CTH: variants seen among roughly 807,000 people sequenced by gnomAD.
The protein encoded by CTH is cystathionine gamma-lyase, also known as cystathionase (cystathionine gamma-lyase).
In CTH, 41 loss-of-function variants were observed where a neutral mutation model predicts 50.6. That is an observed-to-expected ratio of 0.81 (90% CI 0.63 to 1.05). The LOEUF is 1.05. CTH is among the 50% of genes least tolerant of loss of function. The pLI, the probability that CTH is intolerant of heterozygous loss-of-function variation, is 0.00. For missense variants in CTH, 470 were observed against 492.6 expected, an observed-to-expected ratio of 0.95 and a Z score of 0.43; for synonymous variants, 156 against 168.9, an observed-to-expected ratio of 0.92 and a Z score of 0.59.
At chr1:70,426,816 G>A (rs953365566) in intron 5 of CTH, among the ~76,000 whole-genome samples, 1 of 152,190 alleles carries the variant, frequency 6.6e-6, no homozygotes, top group Non-Finnish European at 1.5e-5. Flanking sequence ...CATTAGGCCA[G>A]TTAATACAGC....
intron 5 of CTH, among the ~76,000 whole-genome samples, chr1:70,424,928 C>CA (rs879503134): frequency 5.5e-4 from 72 of 131,716 alleles, no homozygotes; most frequent in East Asian, 8.7e-4. Context: ...GACTCTGTCT[C>CA]AAAAAAAAAA....
intron 2 of CTH, among the ~76,000 whole-genome samples, chr1:70,416,446 G>A (rs1045535456): frequency 6.6e-6 from 1 of 152,070 alleles, no homozygotes; most frequent in Non-Finnish European, 1.5e-5. Context: ...AGGCTGGAGT[G>A]CAGTGGCACA....
chr1:70,417,192 C>T (rs186260621), intron 2 of CTH, among the ~76,000 whole-genome samples: 7 of 151,874 alleles, frequency 4.6e-5, no homozygotes, highest in African/African-American at 4.8e-5. Flanking sequence ...GGTCTGATTG[C>T]GAGTTTTGTT....
At chr1:70,427,428 C>A (rs1224504610) in intron 5 of CTH, among the ~76,000 whole-genome samples, 1 of 152,096 alleles carries the variant, frequency 6.6e-6, no homozygotes, top group African/African-American at 2.4e-5. Flanking sequence ...ATATAAAGTA[C>A]GTAGCATGAT....
chr1:70,420,689 T>C (rs555178190), intron 3 of CTH, among the ~76,000 whole-genome samples: 2 of 152,262 alleles, frequency 1.3e-5, no homozygotes, highest in East Asian at 3.9e-4. Flanking sequence ...CCTCAGAAAT[T>C]TGCACAATGT....
intron 8 of CTH, among the ~76,000 whole-genome samples, chr1:70,433,418 A>G (rs1172086687): frequency 6.6e-6 from 1 of 152,218 alleles, no homozygotes; most frequent in Non-Finnish European, 1.5e-5. Context: ...TTTTTATTAA[A>G]CGCCAGCTAT....
At chr1:70,432,773 T>A (rs1017693485) in intron 8 of CTH, among the ~76,000 whole-genome samples, 5 of 145,096 alleles carry the variant, frequency 3.4e-5, no homozygotes, top group African/African-American at 1.3e-4. Context: ...AACCTCTGCC[T>A]CCCGGGTTCA....
chr1:70,415,035 T>C (rs115228206), intron 1 of CTH, among the ~76,000 whole-genome samples: 3,482 of 152,270 alleles, frequency 0.023, 137 homozygotes, highest in African/African-American at 0.079. Context: ...TGAGCCACTT[T>C]TGTAGAGCCA....
At chr1:70,416,627 G>A (rs1219722028) in intron 2 of CTH, among the ~76,000 whole-genome samples, 8 of 150,896 alleles carry the variant, frequency 5.3e-5, no homozygotes, top group Non-Finnish European at 8.9e-5. Context: ...GCAATGGCAG[G>A]ATCTCGGCTC....
At chr1:70,415,234 AC>A (rs530056256) in intron 1 of CTH, among the ~76,000 whole-genome samples, 33 of 152,182 alleles carry the variant, frequency 2.2e-4, no homozygotes, top group African/African-American at 8.0e-4. Context: ...GACTGCCTCT[AC>A]AAAAAATAAA....
At chr1:70,415,645 A>AT (rs1684074780) in intron 1 of CTH, among the ~76,000 whole-genome samples, 1 of 152,216 alleles carries the variant, frequency 6.6e-6, no homozygotes, top group Non-Finnish European at 1.5e-5. Flanking sequence ...CTTCACAACA[A>AT]TTTTATGAAC....
At position 70,433,960 on chromosome 1, in the gene CTH, A is replaced by C. The variant is rs369536259; in HGVS notation, c.999+11A>C. 2.5e-6 allele frequency: 4 copies of C among 1,613,752 alleles called. No homozygotes were observed. The highest frequency in any genetic ancestry group is 3.4e-6 in the Non-Finnish European group (4 of 1,179,736). On this transcript the variant is annotated intron_variant, in intron 9 of 11. Coordinates refer to ENST00000370938, the MANE Select transcript of CTH (RefSeq NM_001902.6). ...CTCAAGAACCTAAAGGTAAACTTAC[A>C]AAATAGGTTTAAAATTGTAGGAGGT...
At position 70,432,186 on chromosome 1, in the gene CTH, T is replaced by A; in HGVS notation, c.828T>A (p.Val276=). The part of the protein sequence containing the change: ...MEKHFKNGMA[V]AQFLESNPWV... Reference sequence around the variant, plus strand: ...AGCATTTCAAAAACGGAATGGCAGTTGCCCAGTTCCTGGAATCTAATCCTT... The same window carrying A: ...AGCATTTCAAAAACGGAATGGCAGTAGCCCAGTTCCTGGAATCTAATCCTT... Residue 276 remains valine, a synonymous_variant, in exon 8 of 12, where the codon GTT becomes GTA. Coordinates refer to ENST00000370938, the MANE Select transcript of CTH (RefSeq NM_001902.6). 6.2e-7 allele frequency: 1 copy of A among 1,614,244 alleles called. No homozygotes were observed. The highest frequency in any genetic ancestry group is 8.5e-7 in the Non-Finnish European group (1 of 1,180,036).
intron 2 of CTH, among the ~76,000 whole-genome samples, chr1:70,417,596 T>C (rs567394628): frequency 6.6e-6 from 1 of 152,338 alleles, no homozygotes; most frequent in African/African-American, 2.4e-5. Flanking sequence ...GAAATTCCTT[T>C]AGTTTGCTAT....
chr1:70,421,167 C>T (rs1043199008), intron 3 of CTH, among the ~76,000 whole-genome samples: 1 of 152,094 alleles, frequency 6.6e-6, no homozygotes, highest in Non-Finnish European at 1.5e-5. Context: ...CAATTCTTTT[C>T]CATTACAAAG....
intron 4 of CTH, among the ~76,000 whole-genome samples, chr1:70,423,612 G>A (rs1025780430): frequency 1.3e-5 from 2 of 151,376 alleles, no homozygotes; most frequent in Non-Finnish European, 2.9e-5. Flanking sequence ...ATGGCATTTC[G>A]TTCAACAAAT....
chr1:70,411,497 G>A lies in CTH; in HGVS notation c.82G>A (p.Asp28Asn). 3 of 1,614,182 alleles carry A rather than the reference G, an allele frequency of 1.9e-6. No homozygotes were observed. Among genetic ancestry groups the A allele is most frequent in the Non-Finnish European group, 2.5e-6 (3 of 1,180,040 alleles). ...CACGCAGGCGATCCATGTGGGCCAG[G>A]ATCCAGAGCAATGGACCTCCAGGGC... ...FATQAIHVGQ[D>N]PEQWTSRAVV... Residue 28 changes from aspartate to asparagine, a missense_variant, in exon 1 of 12, where the codon GAT (aspartate) becomes AAT (asparagine). Coordinates refer to ENST00000370938, the MANE Select transcript of CTH (RefSeq NM_001902.6).
intron 4 of CTH, among the ~76,000 whole-genome samples, chr1:70,422,150 A>G (rs2101738346): frequency 6.6e-6 from 1 of 152,300 alleles, no homozygotes; most frequent in Middle Eastern, 3.4e-3. Flanking sequence ...GGACTATAGA[A>G]AAAGAAGCCT....
At chr1:70,435,231 AT>A in intron 10 of CTH, 54 bp downstream of exon 10, 1 of 1,476,940 alleles carries the variant, frequency 6.8e-7, no homozygotes. Context: ...AGCTTTAATG[AT>A]TGGGAAAGAA....
Sources: gnomAD v4.1 joint callset for allele counts (sites outside exome capture counted in the v4.1 genomes callset) on GRCh38, gnomAD v4.1.1 for gene constraint, MANE v1.5 for transcripts, NCBI Gene and HGNC (gene_info 2026-07-23, HGNC 2026-07-21) for gene names.